Variants in GALNT17 observed in about 807,000 individuals in gnomAD.
GALNT17 encodes the protein UDP-GalNAc:polypeptide N-acetylgalactosaminyltransferase-like 3.
GALNT17 carries 29 observed loss-of-function variants against 63.7 expected under a neutral mutation model. The observed-to-expected ratio is 0.46, with a 90% confidence interval of 0.34 to 0.62. The LOEUF (loss-of-function observed/expected upper bound fraction) is 0.62. Ranked by LOEUF, GALNT17 falls within the 20% of genes least tolerant of loss-of-function variation. The pLI, the probability that GALNT17 is intolerant of heterozygous loss-of-function variation, is 0.01. For missense variants in GALNT17, 603 were observed against 799.6 expected (o/e 0.75, Z 2.97); for synonymous variants, 305 against 318.3 (o/e 0.96, Z 0.45).
At chr7:71,694,453 G>T (rs994076650) in intron 9 of GALNT17, among the ~76,000 whole-genome samples, 1 of 150,614 alleles carries the variant, frequency 6.6e-6, no homozygotes, top group Non-Finnish European at 1.5e-5. Context: ...TGCCACTCAG[G>T]TTTAAGCAAT....
intron 1 of GALNT17, among the ~76,000 whole-genome samples, chr7:71,179,520 C>T (rs1788699158): frequency 6.6e-6 from 1 of 152,198 alleles, no homozygotes; most frequent in African/African-American, 2.4e-5. Context: ...TTGAGGTTCA[C>T]ACCAGGCAGC....
chr7:71,229,397 C>T (rs1286255042), intron 1 of GALNT17, among the ~76,000 whole-genome samples: 1 of 152,162 alleles, frequency 6.6e-6, no homozygotes, highest in Non-Finnish European at 1.5e-5. Flanking sequence ...ACCAAGATGG[C>T]CCCGTCTGGA....
chr7:71,640,361 C>T (rs1022851450), intron 6 of GALNT17, among the ~76,000 whole-genome samples: 1 of 152,094 alleles, frequency 6.6e-6, no homozygotes, highest in Non-Finnish European at 1.5e-5. Flanking sequence ...TAGCTCCACA[C>T]CAGGGGCTCT....
intron 1 of GALNT17, among the ~76,000 whole-genome samples, chr7:71,324,819 G>A (rs1791677417): frequency 6.6e-6 from 1 of 152,120 alleles, no homozygotes; most frequent in Middle Eastern, 3.4e-3. Context: ...CACATATTTA[G>A]CATAAATTTT....
At chr7:71,710,738 C>T in intron 9 of GALNT17, 23 bp from the exon 10 acceptor site, 2 of 1,610,636 alleles carry the variant, frequency 1.2e-6, no homozygotes, top group Non-Finnish European at 8.5e-7. Flanking sequence ...TTCCATTCCC[C>T]TGCTGCTCTG....
chr7:71,352,463 T>C (rs1482895113), intron 2 of GALNT17, among the ~76,000 whole-genome samples: 1 of 152,218 alleles, frequency 6.6e-6, no homozygotes, highest in African/African-American at 2.4e-5. Flanking sequence ...GGGTGCACGG[T>C]AGTGCCATTT....
intron 7 of GALNT17, among the ~76,000 whole-genome samples, chr7:71,666,905 T>G (rs1288158988): frequency 6.6e-6 from 1 of 152,264 alleles, no homozygotes; most frequent in Non-Finnish European, 1.5e-5. Flanking sequence ...TATAAAGGGT[T>G]GGCTGTACCT....
intron 6 of GALNT17, among the ~76,000 whole-genome samples, chr7:71,644,909 A>T (rs1301467819): frequency 3.3e-5 from 5 of 152,186 alleles, no homozygotes; most frequent in Non-Finnish European, 7.3e-5. Context: ...CATGGTTGGC[A>T]GGTAGCCTTC....
chr7:71,388,266 C>T lies in GALNT17; in HGVS notation c.454C>T (p.Pro152Ser). Residue 152 changes from proline to serine, a missense_variant, in exon 3 of 11, where the codon CCC becomes TCC. Around this residue, in one of 3 missense-constraint regions of GALNT17, gnomAD observed 195 missense variants for 215.0 expected, o/e 0.91. Transcript: ENST00000333538. ...CKELKYSKDL[P>S]QISIIFIFVN... ...GGAGCTCAAGTACTCCAAGGACCTG[C>T]CCCAGATATCCATCATATTCATCTT... The T allele has an allele frequency of 6.2e-7, 1 of 1,614,000 alleles. No individual in the cohort carries two copies. The highest frequency in any genetic ancestry group is 8.5e-7 in the Non-Finnish European group (1 of 1,179,956).
At chr7:71,344,328 C>T (rs1792053835) in intron 2 of GALNT17, among the ~76,000 whole-genome samples, 1 of 152,154 alleles carries the variant, frequency 6.6e-6, no homozygotes, top group Admixed American at 6.6e-5. Flanking sequence ...ATTGCAATTC[C>T]AGGCACTCCA....
chr7:71,440,867 G>A (rs1293817137), intron 5 of GALNT17, among the ~76,000 whole-genome samples: 5 of 152,126 alleles, frequency 3.3e-5, no homozygotes, highest in South Asian at 2.1e-4. Context: ...GTGTGGCAAT[G>A]AGTAACTTCT....
chr7:71,548,088 TAA>T (rs1412440595), intron 5 of GALNT17, among the ~76,000 whole-genome samples: 11 of 151,246 alleles, frequency 7.3e-5, no homozygotes, highest in African/African-American at 2.7e-4. Flanking sequence ...TTTTTTTTTT[TAA>T]AAATTAGCTG....
At chr7:71,144,994 C>T (rs1787990918) in intron 1 of GALNT17, among the ~76,000 whole-genome samples, 1 of 152,064 alleles carries the variant, frequency 6.6e-6, no homozygotes, top group Admixed American at 6.6e-5. Flanking sequence ...TCCCAAAATG[C>T]TGGGAATACA....
At chr7:71,512,078 C>T (rs148383795) in intron 5 of GALNT17, among the ~76,000 whole-genome samples, 1 of 147,418 alleles carries the variant, frequency 6.8e-6, no homozygotes, top group East Asian at 2.1e-4. Flanking sequence ...TACTGACTCA[C>T]TGCAACATCC....
At chr7:71,403,749 C>T (rs545317132) in intron 3 of GALNT17, among the ~76,000 whole-genome samples, 27 of 152,266 alleles carry the variant, frequency 1.8e-4, no homozygotes, top group Admixed American at 8.5e-4. Flanking sequence ...GGCTGCCAAA[C>T]GCGTTTAAAG....
chr7:71,533,801 G>T (rs557386388), intron 5 of GALNT17, among the ~76,000 whole-genome samples: 6 of 152,284 alleles, frequency 3.9e-5, no homozygotes, highest in African/African-American at 1.4e-4. Flanking sequence ...TCAGCTGGGA[G>T]ATGGAAGGCT....
intron 1 of GALNT17, among the ~76,000 whole-genome samples, chr7:71,253,433 C>G (rs997928299): frequency 1.3e-5 from 2 of 152,016 alleles, no homozygotes; most frequent in African/African-American, 4.8e-5. Context: ...GGGATCCCTC[C>G]TACAACACAT....
chr7:71,263,427 C>T (rs1298780345), intron 1 of GALNT17, among the ~76,000 whole-genome samples: 2 of 152,154 alleles, frequency 1.3e-5, no homozygotes, highest in East Asian at 3.9e-4. Flanking sequence ...GCCTCCAGAA[C>T]GATGAGACAG....
chr7:71,509,736 G>T (rs1251797686), intron 5 of GALNT17, among the ~76,000 whole-genome samples: 1 of 152,234 alleles, frequency 6.6e-6, no homozygotes, highest in African/African-American at 2.4e-5. Flanking sequence ...GGGAAGGGAG[G>T]CAGGACATGG....
Sources: allele counts gnomAD v4.1 joint callset (sites outside exome capture counted in the v4.1 genomes callset), GRCh38; gene constraint gnomAD v4.1.1; regional missense constraint gnomAD v4.1.1; transcripts MANE v1.5; gene names NCBI Gene and HGNC (gene_info 2026-07-23, HGNC 2026-07-21).